Variants in DPYD observed in about 807,000 individuals in gnomAD.
DPYD encodes dihydropyrimidine dehydrogenase, also known as dihydropyrimidine dehydrogenase [NADP(+)].
Under a neutral mutation model 116.2 loss-of-function variants are expected in DPYD, and 109 were observed. The ratio of observed to expected loss-of-function variants is 0.94; its 90% CI spans 0.80 to 1.10. DPYD has a LOEUF of 1.10. Among genes scored for constraint, DPYD ranks in the 50% least tolerant of loss-of-function variants. The probability of loss-of-function intolerance (pLI) is 0.00; values close to 1 mark genes in which losing one functional copy is unlikely to be tolerated. For missense variants in DPYD, 1,302 were observed against 1,254.5 expected, an observed-to-expected ratio of 1.04 and a Z score of -0.57; for synonymous variants, 440 against 432.0, an observed-to-expected ratio of 1.02 and a Z score of -0.23.
intron 19 of DPYD, among the ~76,000 whole-genome samples, chr1:97,218,679 T>C (rs558230777): frequency 2.6e-5 from 4 of 151,004 alleles, no homozygotes; most frequent in African/African-American, 9.7e-5. Context: ...AGCAATAAAC[T>C]CAGAAGAAAT....
intron 2 of DPYD, among the ~76,000 whole-genome samples, chr1:97,830,707 CAAA>C (rs759967010): frequency 3.8e-5 from 4 of 105,728 alleles, no homozygotes; most frequent in Admixed American, 9.9e-5. Context: ...GACTCCATCT[CAAA>C]AAAAAAAAAA....
chr1:97,545,765 C>T lies in DPYD; in HGVS notation c.1524+3795G>A. The T allele has an allele frequency of 3.2e-6, 5 of 1,554,296 alleles. No individual in the cohort carries two copies. In the South Asian group the frequency reaches 5.7e-5, roughly 18 times the overall value. ...GAATTTCGTGCTCCAACTTTGGCAT[C>T]CCTAGAAAACTGCATGAAGCTTTCT... On this transcript the variant is annotated intron_variant, in intron 12 of 22. Transcript: ENST00000370192.
At chr1:97,548,315 AC>A (rs1651053815) in intron 12 of DPYD, among the ~76,000 whole-genome samples, 1 of 152,234 alleles carries the variant, frequency 6.6e-6, no homozygotes. Flanking sequence ...AAAGTAAGCT[AC>A]TGAGATCTGG....
intron 20 of DPYD, among the ~76,000 whole-genome samples, chr1:97,158,335 A>G (rs562229115): frequency 6.6e-6 from 1 of 152,162 alleles, no homozygotes; most frequent in South Asian, 2.1e-4. Context: ...GCAATATGAA[A>G]AAGTTTTATA....
intron 14 of DPYD, among the ~76,000 whole-genome samples, chr1:97,440,507 C>T (rs1044221333): frequency 5.9e-5 from 9 of 151,648 alleles, no homozygotes; most frequent in Non-Finnish European, 1.2e-4. Flanking sequence ...CTCTTTGAGG[C>T]TTTATTTTAG....
At chr1:97,207,560 C>CT (rs1172929288) in intron 19 of DPYD, among the ~76,000 whole-genome samples, 1 of 152,104 alleles carries the variant, frequency 6.6e-6, no homozygotes, top group East Asian at 1.9e-4. Context: ...TGATAGTCCC[C>CT]TTTAACACTA....
chr1:97,120,835 C>A (rs1557874721), intron 20 of DPYD, among the ~76,000 whole-genome samples: 1 of 152,110 alleles, frequency 6.6e-6, no homozygotes, highest in Non-Finnish European at 1.5e-5. Context: ...AATCTGGGAC[C>A]ACAGTGTTAG....
intron 2 of DPYD, among the ~76,000 whole-genome samples, chr1:97,853,663 T>A (rs1461888566): frequency 1.3e-5 from 2 of 152,220 alleles, no homozygotes; most frequent in African/African-American, 2.4e-5. Context: ...TTACACATCA[T>A]CTTCAATTAT....
chr1:97,416,551 T>C (rs1674301396), intron 14 of DPYD, among the ~76,000 whole-genome samples: 1 of 152,216 alleles, frequency 6.6e-6, no homozygotes, highest in African/African-American at 2.4e-5. Flanking sequence ...AAATGGATCC[T>C]AGAATACTTT....
In DPYD at chr1:97,399,308, C is replaced by T. The variant is rs529519351; in HGVS notation, c.1906-16847G>A. On this transcript the variant is annotated intron_variant, in intron 14 of 22. Coordinates refer to ENST00000370192, the MANE Select transcript of DPYD (RefSeq NM_000110.4). ...TCTGTTCTGTTCCATTGGTCTATAT[C>T]TCTTTTGTGGTACCAGTACCATGTT... Among the ~76,000 whole-genome samples the T allele has an allele frequency of 2.6e-5, 4 of 152,174 alleles. No homozygotes were observed. The East Asian group carries it at 7.7e-4, about 29-fold the overall frequency.
At chr1:97,318,201 T>C (rs568351261) in intron 16 of DPYD, among the ~76,000 whole-genome samples, 40 of 145,154 alleles carry the variant, frequency 2.8e-4, no homozygotes, top group African/African-American at 9.1e-4. Context: ...GCTAACATCA[T>C]AATGACAGGA....
At chr1:97,721,359 TA>T in intron 5 of DPYD, 150 bp downstream of exon 5, 1 of 952,272 alleles carries the variant, frequency 1.1e-6, no homozygotes, top group Non-Finnish European at 1.6e-6. Context: ...AGCTGCTGAA[TA>T]AAAATAAAGT....
chr1:97,152,417 G>T (rs1366037565), intron 20 of DPYD, among the ~76,000 whole-genome samples: 3 of 148,728 alleles, frequency 2.0e-5, no homozygotes, highest in South Asian at 2.1e-4. Context: ...CCTCCACTTT[G>T]TTAGGTGATG....
chr1:97,455,545 A>T (rs1385922061), intron 13 of DPYD, among the ~76,000 whole-genome samples: 1 of 151,946 alleles, frequency 6.6e-6, no homozygotes, highest in Non-Finnish European at 1.5e-5. Context: ...CAAAAGAGGA[A>T]AATCACTCTA....
chr1:97,837,731 A>T (rs1030497821), intron 2 of DPYD, among the ~76,000 whole-genome samples: 6 of 152,176 alleles, frequency 3.9e-5, no homozygotes, highest in Non-Finnish European at 5.9e-5. Context: ...CAATATGGAA[A>T]AGATAAACTC....
At chr1:97,240,544 A>G (rs570885830) in intron 18 of DPYD, among the ~76,000 whole-genome samples, 1 of 152,064 alleles carries the variant, frequency 6.6e-6, no homozygotes, top group Non-Finnish European at 1.5e-5. Flanking sequence ...CTAGCTGGCA[A>G]TAAAACAGAA....
chr1:97,089,768 C>T (rs1417566856), intron 21 of DPYD, among the ~76,000 whole-genome samples: 1 of 151,282 alleles, frequency 6.6e-6, no homozygotes, highest in Non-Finnish European at 1.5e-5. Flanking sequence ...CCAGGCTGTC[C>T]CCAGGGCCCC....
intron 13 of DPYD, among the ~76,000 whole-genome samples, chr1:97,485,257 G>C (rs994094542): frequency 6.6e-6 from 1 of 152,058 alleles, no homozygotes; most frequent in African/African-American, 2.4e-5. Context: ...GAGTGCAGTG[G>C]AACAATCAAT....
At chr1:97,212,419 A>T (rs1660095153) in intron 19 of DPYD, among the ~76,000 whole-genome samples, 1 of 152,120 alleles carries the variant, frequency 6.6e-6, no homozygotes, top group Admixed American at 6.6e-5. Flanking sequence ...TTGCTGAATA[A>T]TATCTCATTG....
Sources: allele counts gnomAD v4.1 joint callset (sites outside exome capture counted in the v4.1 genomes callset), GRCh38; gene constraint gnomAD v4.1.1; transcripts MANE v1.5; gene names NCBI Gene and HGNC (gene_info 2026-07-23, HGNC 2026-07-21).